Variants in ATL3 observed in about 807,000 individuals in gnomAD.
ATL3 encodes the protein atlastin-3.
A neutral mutation model predicts 69.5 loss-of-function variants in ATL3; 49 were observed. That is an observed-to-expected ratio of 0.71 (90% CI 0.56 to 0.89). The LOEUF (loss-of-function observed/expected upper bound fraction) is 0.89, where lower values mean the gene tolerates loss of function less well. ATL3 is among the 40% of genes least tolerant of loss of function. ATL3 has a pLI of 0.00. For missense variants in ATL3, 606 were observed against 645.7 expected (o/e 0.94, Z 0.67); for synonymous variants, 214 against 224.1 (o/e 0.95, Z 0.40).
At chr11:63,635,678 G>C in intron 9 of ATL3, 88 bp from the exon 10 acceptor site, 1 of 1,039,052 alleles carries the variant, frequency 9.6e-7, no homozygotes, top group Non-Finnish European at 1.4e-6. Flanking sequence ...CCATACAACT[G>C]CATTTTCCTA....
At chr11:63,666,620 G>A (rs1003842805) in intron 1 of ATL3, among the ~76,000 whole-genome samples, 1 of 151,376 alleles carries the variant, frequency 6.6e-6, no homozygotes, top group African/African-American at 2.4e-5. Flanking sequence ...AGGCCGAGGG[G>A]GGTGGATCGC....
chr11:63,640,712 C>T (rs570913909), intron 8 of ATL3, among the ~76,000 whole-genome samples: 5 of 143,896 alleles, frequency 3.5e-5, no homozygotes, highest in African/African-American at 1.0e-4. Flanking sequence ...TCAGGCGATT[C>T]TCCTGCCTCA....
intron 1 of ATL3, among the ~76,000 whole-genome samples, chr11:63,661,602 G>A (rs1940421481): frequency 6.6e-6 from 1 of 151,858 alleles, no homozygotes; most frequent in African/African-American, 2.4e-5. Flanking sequence ...AGAAGAGAAG[G>A]CAAGGGGCCG....
Position 63,651,778 on chromosome 11 carries a change from C to T in ATL3, c.561+158G>A, listed in dbSNP as rs76851510. Among the ~76,000 whole-genome samples, 456 of 152,310 alleles carry T rather than the reference C, an allele frequency of 3.0e-3. 2 individuals carry two copies. The highest frequency in any genetic ancestry group is 0.011 in the African/African-American group (445 of 41,566). ...AGGCCTTCCCCGACCACTCCTGCTC[C>T]ACCCCACCAATGGCTATACATAGTA... On this transcript the variant is annotated intron_variant, in intron 5 of 12. Coordinates refer to ENST00000398868, the MANE Select transcript of ATL3 (RefSeq NM_015459.5).
Position 63,635,688 on chromosome 11 carries a change from A to G in ATL3, c.979-98T>C. On this transcript the variant is annotated intron_variant, in intron 9 of 12. Coordinates refer to ENST00000398868, the MANE Select transcript of ATL3 (RefSeq NM_015459.5). ...AGTGACCATACAACTGCATTTTCCT[A>G]AAGACTTAGGTCAACAACCAGGAAT... 7 of 948,708 alleles carry G rather than the reference A, an allele frequency of 7.4e-6. 1 individual carries two copies. The South Asian group carries it at 1.1e-4, about 15-fold the overall frequency. The allele number at this position is 948,708 out of a possible 1,614,324, so 58.8% of individuals were successfully genotyped here.
intron 1 of ATL3, among the ~76,000 whole-genome samples, chr11:63,660,390 A>G (rs998859966): frequency 1.3e-5 from 2 of 152,248 alleles, no homozygotes; most frequent in African/African-American, 4.8e-5. Flanking sequence ...CCTGCCCATC[A>G]GAATGGCTAA....
intron 1 of ATL3, among the ~76,000 whole-genome samples, chr11:63,669,715 G>A (rs895511180): frequency 4.6e-5 from 7 of 152,106 alleles, no homozygotes; most frequent in African/African-American, 1.7e-4. Flanking sequence ...GCCGAGGAGA[G>A]GAGGGTGGTT....
chr11:63,634,480 C>A (rs1013261463), intron 10 of ATL3, among the ~76,000 whole-genome samples: 8 of 151,820 alleles, frequency 5.3e-5, no homozygotes, highest in African/African-American at 1.9e-4. Context: ...GCACTCCAGC[C>A]TGGGCAACAG....
rs773989806 is a variant in ATL3 at position 63,635,549 on chromosome 11, G to C, written c.1020C>G (p.Pro340=). The C allele has an allele frequency of 6.2e-7, 1 of 1,612,246 alleles. No individual in the cohort carries two copies. The highest frequency in any genetic ancestry group is 1.7e-5 in the Admixed American group (1 of 59,960). The change falls in exon 10 of 13, where the codon CCC becomes CCG. Residue 340 remains proline, a synonymous_variant. Transcript: ENST00000398868. ...CATTGTTTACCTGAAGCATGGACTT[G>C]GGGTGAGGCAGATCTTCTCCTTGAT... ...KIYQGEDLPH[P]KSMLQATAEA... is the part of the protein sequence containing the mutation.
rs189920480 is a variant in ATL3, at chr11:63,669,127, C to A, written c.46+2163G>T. ...GGATTACAGGAGTAAACCACAGCTC[C>A]CGGCCAAGTAAGGATTTCCTAATTA... On this transcript the variant is annotated intron_variant, in intron 1 of 12. Coordinates refer to ENST00000398868, the MANE Select transcript of ATL3 (RefSeq NM_015459.5). Among the ~76,000 whole-genome samples the A allele has an allele frequency of 9.4e-4, 142 of 151,840 alleles. 1 individual carries two copies. Among genetic ancestry groups the A allele is most frequent in the African/African-American group, 3.1e-3 (129 of 41,406 alleles).
At chr11:63,640,745 C>T (rs539592728) in intron 8 of ATL3, among the ~76,000 whole-genome samples, 2 of 151,982 alleles carry the variant, frequency 1.3e-5, no homozygotes, top group African/African-American at 4.8e-5. Flanking sequence ...GCTGGGATTA[C>T]AGGCACCTGC....
intron 1 of ATL3, among the ~76,000 whole-genome samples, chr11:63,669,479 G>A (rs921895846): frequency 6.6e-6 from 1 of 151,770 alleles, no homozygotes; most frequent in Non-Finnish European, 1.5e-5. Context: ...AGGTTGCAGT[G>A]AGCAGAGATC....
intron 7 of ATL3, 77 bp downstream of exon 7, chr11:63,644,090 TAA>T: frequency 1.1e-6 from 1 of 928,022 alleles, no homozygotes; most frequent in Non-Finnish European, 1.7e-6. Flanking sequence ...ATAATTGCTT[TAA>T]ACACAATAGC....
In ATL3 at chr11:63,671,257, C is replaced by T. The variant is rs539444345; in HGVS notation, c.46+33G>A. The T allele has an allele frequency of 5.1e-6, 8 of 1,558,162 alleles. No individual in the cohort carries two copies. The South Asian group carries it at 8.2e-5, about 16-fold the overall frequency. ...CAGCAGGGAAGGCGGCGGGGGTGGCCGCGGGGCGATCCAGGGAAAATCGGC... is the reference window on the plus strand; with the variant it reads ...CAGCAGGGAAGGCGGCGGGGGTGGCTGCGGGGCGATCCAGGGAAAATCGGC... On this transcript the variant is annotated intron_variant, in intron 1 of 12. Transcript: ENST00000398868.
chr11:63,651,008 T>C (rs1489118126), intron 5 of ATL3, among the ~76,000 whole-genome samples: 1 of 152,216 alleles, frequency 6.6e-6, no homozygotes, highest in African/African-American at 2.4e-5. Context: ...ATCCCTATAA[T>C]AATGACACCC....
rs756210651 is a variant in ATL3 at position 63,636,350 on chromosome 11, CAAAG to C, written c.851-20_851-17del. On this transcript the variant is annotated splice_polypyrimidine_tract_variant and intron_variant, in intron 8 of 12. Coordinates refer to ENST00000398868, the MANE Select transcript of ATL3 (RefSeq NM_015459.5). ...CCAGCAATATCTGTTCACAGGACGACAAAGAAGGGAAAAATAAGCCAAACAGCCT... is the reference window on the plus strand; with the variant it reads ...CCAGCAATATCTGTTCACAGGACGACAAGGGAAAAATAAGCCAAACAGCCT... 5.0e-6 allele frequency: 8 copies of C among 1,613,256 alleles called. No homozygotes were observed. Among genetic ancestry groups the C allele is most frequent in the Non-Finnish European group, 5.9e-6 (7 of 1,179,836 alleles).
At chr11:63,653,571 T>C (rs1940148220) in intron 3 of ATL3, among the ~76,000 whole-genome samples, 1 of 152,172 alleles carries the variant, frequency 6.6e-6, no homozygotes, top group African/African-American at 2.4e-5. Flanking sequence ...TTCTTAATTG[T>C]CAAAATTTGA....
At chr11:63,653,258 A>G (rs1385006012) in intron 3 of ATL3, among the ~76,000 whole-genome samples, 2 of 152,088 alleles carry the variant, frequency 1.3e-5, no homozygotes, top group African/African-American at 4.8e-5. Context: ...CCTGAGGTCC[A>G]GAGTTCGAGA....
At chr11:63,630,358 C>G (rs1939267890) in intron 12 of ATL3, among the ~76,000 whole-genome samples, 1 of 141,478 alleles carries the variant, frequency 7.1e-6, no homozygotes, top group African/African-American at 2.6e-5. Context: ...ACCCAGTGGG[C>G]AGAGGTTGCA....
Sources: allele counts gnomAD v4.1 joint callset (sites outside exome capture counted in the v4.1 genomes callset), GRCh38; gene constraint gnomAD v4.1.1; transcripts MANE v1.5; gene names NCBI Gene and HGNC (gene_info 2026-07-23, HGNC 2026-07-21).